Variants in MUC17 observed in about 807,000 individuals in gnomAD.
MUC17 encodes the protein mucin-17.
MUC17 carries 190 observed loss-of-function variants against 170.3 expected under a neutral mutation model. That is an observed-to-expected ratio of 1.12 (90% confidence interval 0.99 to 1.26). The LOEUF is 1.26. Ranked by LOEUF, MUC17 falls within the 50% of genes most tolerant of loss-of-function variation. The probability of loss-of-function intolerance (pLI) is 0.00; values close to 1 mark genes in which losing one functional copy is unlikely to be tolerated. For missense variants in MUC17, 6,415 were observed against 5,530.0 expected, an observed-to-expected ratio of 1.16 and a Z score of -5.08; for synonymous variants, 2,325 against 2,002.5, an observed-to-expected ratio of 1.16 and a Z score of -4.30.
In MUC17 at chr7:101,039,233, C is replaced by G; in HGVS notation, c.7817C>G (p.Thr2606Ser). The G allele has an allele frequency of 6.2e-7, 1 of 1,613,720 alleles. No homozygotes were observed. ...CCTGTTGACACCAGCATACCTGTCACCACTTCTACTGAAACCAGTTCATCT... is the reference window on the plus strand; with the variant it reads ...CCTGTTGACACCAGCATACCTGTCAGCACTTCTACTGAAACCAGTTCATCT... ...TTPVDTSIPV[T>S]TSTETSSSPT... is the part of the protein sequence containing the mutation. Residue 2606 changes from threonine to serine, a missense_variant, in exon 3 of 13, where the codon ACC (threonine) becomes AGC (serine). By Grantham distance (58) the Thr-to-Ser change is moderately conservative. Coordinates refer to ENST00000306151, the MANE Select transcript of MUC17 (RefSeq NM_001040105.2).
chr7:101,037,321 A>G lies in MUC17; in HGVS notation c.5905A>G (p.Thr1969Ala). Residue 1969 changes from threonine to alanine, a missense_variant, in exon 3 of 13, where the codon ACT (threonine) becomes GCT (alanine). Physicochemically the swap from Thr to Ala is moderately conservative, Grantham distance 58. Transcript: ENST00000306151. ...TTCTCAAGCCAGTTCATCTCCTACA[A>G]CTGCTGATGGTACCAGCATGCCAAC... ...TYSQASSSPTTADGTSMPTPA... is the reference protein window; with the variant it reads ...TYSQASSSPTAADGTSMPTPA... 6.2e-7 allele frequency: 1 copy of G among 1,613,906 alleles called. No homozygotes were observed. Among genetic ancestry groups the G allele is most frequent in the Non-Finnish European group, 8.5e-7 (1 of 1,179,898 alleles).
Position 101,034,535 on chromosome 7 carries a change from G to T in MUC17, c.3119G>T (p.Gly1040Val), listed in dbSNP as rs77671499. The change falls in exon 3 of 13, where the codon GGA becomes GTA. Residue 1040 changes from glycine to valine, a missense_variant. Physicochemically the swap from Gly to Val is moderately radical, Grantham distance 109. Transcript: ENST00000306151. ...ATGCCAACCTCAACTCCTAGTGAAG[G>T]AAGCACTCCATTAACACGTATGCCT... ...TSMPTSTPSE[G>V]STPLTRMPVS... 9.4e-6 allele frequency: 15 copies of T among 1,604,052 alleles called. No homozygotes were observed. In the East Asian group the frequency reaches 3.4e-4, roughly 36 times the overall value.
In MUC17 at chr7:101,032,678, A is replaced by T. The variant is rs201075671; in HGVS notation, c.1262A>T (p.Lys421Ile). The T allele has an allele frequency of 1.9e-4, 306 of 1,570,548 alleles. 1 individual carries two copies. The highest frequency in any genetic ancestry group is 2.0e-4 in the Non-Finnish European group (225 of 1,151,964). The change falls in exon 3 of 13, where the codon AAA becomes ATA. Residue 421 changes from lysine to isoleucine, a missense_variant. By Grantham distance (102) the Lys-to-Ile change is moderately radical. Coordinates refer to ENST00000306151, the MANE Select transcript of MUC17 (RefSeq NM_001040105.2). ...ACTTCAACAATTCCTGTTGACTCCA[A>T]AACTTTTGTGACCACTGCTAGTGAA... is the stretch of plus-strand genomic sequence containing the variant. ...STTSTIPVDS[K>I]TFVTTASEAS...
rs151335011 is a variant in MUC17, at chr7:101,037,755, G to C, written c.6339G>C (p.Pro2113=). ...CAAGTATACCTCTCAGCACCACGCC[G>C]GTGGCCAGTCCTGAGGCTAGCACCC... ...LLTSIPLSTT[P]VASPEASTLS... is the part of the protein sequence containing the mutation. Residue 2113 remains proline, a synonymous_variant, in exon 3 of 13, where the codon CCG becomes CCC. Transcript: ENST00000306151. 1.2e-6 allele frequency: 2 copies of C among 1,613,336 alleles called. No homozygotes were observed. Among genetic ancestry groups the C allele is most frequent in the Non-Finnish European group, 1.7e-6 (2 of 1,179,706 alleles).
chr7:101,038,261 C>A lies in MUC17; in HGVS notation c.6845C>A (p.Thr2282Lys), dbSNP rs572878505. Residue 2282 changes from threonine (T) to lysine (K), a missense_variant, in exon 3 of 13, where the codon ACA (threonine) becomes AAA (lysine). Coordinates refer to ENST00000306151, the MANE Select transcript of MUC17 (RefSeq NM_001040105.2). ...CTTAGTGAAGGAACGACTCCATTAA[C>A]AAGTATACCTGTCAGCCACACGCTG... is the stretch of plus-strand genomic sequence containing the variant. Reference protein sequence around the residue: ...STLSEGTTPLTSIPVSHTLVA... With the variant: ...STLSEGTTPLKSIPVSHTLVA... The A allele has an allele frequency of 6.2e-7, 1 of 1,613,954 alleles. No individual in the cohort carries two copies. The highest frequency in any genetic ancestry group is 1.1e-5 in the South Asian group (1 of 91,072).
At chr7:101,022,526 A>T (rs762995598) in intron 1 of MUC17, among the ~76,000 whole-genome samples, 1 of 152,098 alleles carries the variant, frequency 6.6e-6, no homozygotes, top group Non-Finnish European at 1.5e-5. Context: ...ACTCCCATCA[A>T]CAAGGCTCTC....
chr7:101,057,062 GTAT>G (rs1795058640), intron 12 of MUC17, among the ~76,000 whole-genome samples: 1 of 152,140 alleles, frequency 6.6e-6, no homozygotes, highest in Non-Finnish European at 1.5e-5. Context: ...GGTATTAGAG[GTAT>G]TCTAGGATTG....
intron 7 of MUC17, among the ~76,000 whole-genome samples, 184 bp from the exon 8 acceptor site, chr7:101,051,429 A>ACAAAAAG (rs1794941658): frequency 6.6e-6 from 1 of 150,544 alleles, no homozygotes; most frequent in Non-Finnish European, 1.5e-5. Flanking sequence ...GAGGCATAGG[A>ACAAAAAG]CAAAAAGGCT....
rs1468500477 is a variant in MUC17, at chr7:101,035,727, T to C, written c.4311T>C (p.Pro1437=). The C allele has an allele frequency of 2.5e-6, 4 of 1,610,284 alleles. No individual in the cohort carries two copies. In the East Asian group the frequency reaches 8.9e-5, roughly 36 times the overall value. ...GTTSAEATSS[P]TTAEGISIPT... The stretch of plus-strand genomic sequence containing the variant: ...CTTCTGCTGAAGCCACTTCATCTCC[T>C]ACAACTGCTGAAGGTATCAGCATAC... Residue 1437 remains proline, a synonymous_variant, in exon 3 of 13, where the codon CCT becomes CCC. Transcript: ENST00000306151.
Position 101,042,761 on chromosome 7 carries a change from G to C in MUC17, c.11345G>C (p.Ser3782Thr), listed in dbSNP as rs1482937477. Reference sequence around the variant, plus strand: ...CCTTCCATACCATCTGTTTACACCAGCATGTCTATGACCACTGCCTCTGAA... The same window carrying C: ...CCTTCCATACCATCTGTTTACACCACCATGTCTATGACCACTGCCTCTGAA... ...STPSIPSVYT[S>T]MSMTTASEGS... The change falls in exon 3 of 13, where the codon AGC becomes ACC. Residue 3782 changes from serine to threonine, a missense_variant. Ser to Thr is a moderately conservative substitution (Grantham distance 58). Transcript: ENST00000306151. 1.2e-6 allele frequency: 2 copies of C among 1,614,054 alleles called. No homozygotes were observed. The highest frequency in any genetic ancestry group is 1.7e-5 in the Admixed American group (1 of 60,008).
chr7:101,037,582 G>A lies in MUC17; in HGVS notation c.6166G>A (p.Val2056Met). 1 of 1,613,876 alleles carries A rather than the reference G, an allele frequency of 6.2e-7. No individual in the cohort carries two copies. The highest frequency in any genetic ancestry group is 8.5e-7 in the Non-Finnish European group (1 of 1,179,862). ...AGGTATGCCTGTCAGCACTACGCTT[G>A]TGGTCAGTTCTGAGGGTAACACCCT... is the stretch of plus-strand genomic sequence containing the variant. Reference protein sequence around the residue: ...LAGMPVSTTLVVSSEGNTLST... With the variant: ...LAGMPVSTTLMVSSEGNTLST... The change falls in exon 3 of 13, where the codon GTG (valine) becomes ATG (methionine). Residue 2056 changes from valine (V) to methionine (M), a missense_variant. Physicochemically the swap from Val to Met is conservative, Grantham distance 21. Coordinates refer to ENST00000306151, the MANE Select transcript of MUC17 (RefSeq NM_001040105.2).
intron 6 of MUC17, 142 bp downstream of exon 6, chr7:101,049,524 CAG>C: frequency 1.7e-6 from 2 of 1,181,966 alleles, no homozygotes; most frequent in East Asian, 5.1e-5. Context: ...GCTTAAACAA[CAG>C]AAATCTATTT....
rs200113339 is a variant in MUC17 at position 101,048,838 on chromosome 7, G to A, written c.12536-7G>A. 121 of 1,613,944 alleles carry A rather than the reference G, an allele frequency of 7.5e-5. No individual in the cohort carries two copies. The highest frequency in any genetic ancestry group is 4.0e-4 in the African/African-American group (30 of 75,004). Reference sequence around the variant, plus strand: ...GATGCTTTGCTCAGTAAGTCTACCCGCCTCAGGGCCACCGGAGACTATCTC... The same window carrying A: ...GATGCTTTGCTCAGTAAGTCTACCCACCTCAGGGCCACCGGAGACTATCTC... On this transcript the variant is annotated splice_polypyrimidine_tract_variant and splice_region_variant and intron_variant, in intron 4 of 12. Coordinates refer to ENST00000306151, the MANE Select transcript of MUC17 (RefSeq NM_001040105.2).
Position 101,039,108 on chromosome 7 carries a change from G to T in MUC17, c.7692G>T (p.Met2564Ile), listed in dbSNP as rs769347035. 11 of 1,613,160 alleles carry T rather than the reference G, an allele frequency of 6.8e-6. No individual in the cohort carries two copies. The South Asian group carries it at 1.1e-4, about 16-fold the overall frequency. ...CTACATCCGCTGAAGGTACCAGCATGCCTACCTCAACTTATAGTGAAGGAA... is the reference window on the plus strand; with the variant it reads ...CTACATCCGCTGAAGGTACCAGCATTCCTACCTCAACTTATAGTGAAGGAA... ...SSATSAEGTS[M>I]PTSTYSEGST... Residue 2564 changes from methionine to isoleucine, a missense_variant, in exon 3 of 13, where the codon ATG (methionine) becomes ATT (isoleucine). Met to Ile is a conservative substitution (Grantham distance 10). Coordinates refer to ENST00000306151, the MANE Select transcript of MUC17 (RefSeq NM_001040105.2).
In MUC17 at chr7:101,049,332, T is replaced by C. The variant is rs1238095278; in HGVS notation, c.12672T>C (p.Ile4224=). 5.0e-6 allele frequency: 8 copies of C among 1,614,028 alleles called. No homozygotes were observed. Among genetic ancestry groups the C allele is most frequent in the Non-Finnish European group, 6.8e-6 (8 of 1,180,024 alleles). ...GGCCCCTTGCCTTTCAGATGAATAT[T>C]GTGTATTCCGGGATCCCTGAGTATG... ...FKQTFTEQMN[I]VYSGIPEYVG... Residue 4224 remains isoleucine, a synonymous_variant, in exon 6 of 13, where the codon ATT becomes ATC. Transcript: ENST00000306151.
rs1443629341 is a variant in MUC17, at chr7:101,041,896, C to G, written c.10480C>G (p.Pro3494Ala). The G allele has an allele frequency of 1.9e-6, 3 of 1,613,630 alleles. No homozygotes were observed. In the African/African-American group the frequency reaches 4.0e-5, roughly 22 times the overall value. The part of the protein sequence containing the change: ...DTSTPVTTSS[P>A]TNSSPTTAEV... ...CAGCACACCTGTGACCACTTCTTCT[C>G]CAACCAATTCATCTCCTACAACTGC... The change falls in exon 3 of 13, where the codon CCA (proline) becomes GCA (alanine). Residue 3494 changes from proline to alanine, a missense_variant. Physicochemically the swap from Pro to Ala is conservative, Grantham distance 27 (BLOSUM62 -1). Coordinates refer to ENST00000306151, the MANE Select transcript of MUC17 (RefSeq NM_001040105.2).
At chr7:101,057,925 T>A in intron 12 of MUC17, 78 bp from the exon 13 acceptor site, 1 of 1,250,310 alleles carries the variant, frequency 8.0e-7, no homozygotes. Flanking sequence ...ACACTTCCTA[T>A]CCCAATCCTC....
Position 101,058,312 on chromosome 7 carries a change from C to T in MUC17, c.*268C>T. The T allele has an allele frequency of 6.1e-6, 2 of 325,718 alleles. No homozygotes were observed. Among genetic ancestry groups the T allele is most frequent in the Non-Finnish European group, 1.1e-5 (2 of 176,464 alleles). 20.2% of individuals were successfully genotyped at this position (325,718 alleles called of 1,614,324 possible). A position where few individuals can be genotyped will look rare whatever the true frequency, so the allele number is the denominator to read the frequency against. ...CAAAGACGCTCCAGATTTGAGGGTACTCTGACTGCAACATCTTTCACCCCA... is the reference window on the plus strand; with the variant it reads ...CAAAGACGCTCCAGATTTGAGGGTATTCTGACTGCAACATCTTTCACCCCA... On this transcript the variant is annotated 3_prime_UTR_variant, in exon 13 of 13. Transcript: ENST00000306151.
rs1477040781 is a variant in MUC17 at position 101,051,508 on chromosome 7, C to G, written c.12875-105C>G. ...CTCTGCCGGGGCCGGATTCCCACCT[C>G]CCCATCGCAGCCCACCCCCTTCTCA... On this transcript the variant is annotated intron_variant, in intron 7 of 12. Transcript: ENST00000306151. 3 of 1,101,752 alleles carry G rather than the reference C, an allele frequency of 2.7e-6. No individual in the cohort carries two copies. The African/African-American group carries it at 4.7e-5, about 17-fold the overall frequency. The allele number at this position is 1,101,752 out of a possible 1,614,324, so 68.2% of individuals were successfully genotyped here. A position where few individuals can be genotyped will look rare whatever the true frequency, so the allele number is the denominator to read the frequency against.
Sources: allele counts gnomAD v4.1 joint callset (sites outside exome capture counted in the v4.1 genomes callset), GRCh38; gene constraint gnomAD v4.1.1; transcripts MANE v1.5; gene names NCBI Gene and HGNC (gene_info 2026-07-23, HGNC 2026-07-21).